ROBO1: variants seen among roughly 807,000 people sequenced by gnomAD.
ROBO1 encodes the protein roundabout guidance receptor 1.
In ROBO1, 149 loss-of-function variants were observed where a neutral mutation model predicts 195.9. That is an observed-to-expected ratio of 0.76 (90% CI 0.67 to 0.87). The LOEUF (loss-of-function observed/expected upper bound fraction) is 0.87. Among genes scored for constraint, ROBO1 ranks in the 40% least tolerant of loss-of-function variants. The pLI is 0.00. For synonymous variants in ROBO1, 816 were observed against 733.2 expected (o/e 1.11, Z -1.82); for missense variants, 1,933 against 2,068.3 (o/e 0.93, Z 1.27).
chr3:78,929,908 A>G (rs184304009), intron 4 of ROBO1, among the ~76,000 whole-genome samples: 252 of 152,296 alleles, frequency 1.7e-3, no homozygotes, highest in Non-Finnish European at 2.9e-3. Context: ...CGGAAGGGTC[A>G]CTACACTTAG....
chr3:79,700,090 G>A lies in ROBO1; in HGVS notation c.-51+67662C>T, dbSNP rs149966410. On this transcript the variant is annotated intron_variant, in intron 1 of 30. Coordinates refer to ENST00000464233, the MANE Select transcript of ROBO1 (RefSeq NM_002941.4). ...ACATAAGTGAAAACATGCGGTATTT[G>A]ATTTCCTGTTCCTATGTTAATTTGC... Among the ~76,000 whole-genome samples the A allele has an allele frequency of 6.4e-4, 97 of 151,804 alleles. 1 individual carries two copies. The highest frequency in any genetic ancestry group is 3.0e-3 in the Admixed American group (46 of 15,172).
At chr3:78,749,012 A>C (rs1576080603) in intron 4 of ROBO1, among the ~76,000 whole-genome samples, 1 of 152,172 alleles carries the variant, frequency 6.6e-6, no homozygotes, top group East Asian at 1.9e-4. Flanking sequence ...CAGAGTATAA[A>C]GACTTTCACT....
At chr3:78,896,286 C>A (rs1457611546) in intron 4 of ROBO1, among the ~76,000 whole-genome samples, 1 of 152,168 alleles carries the variant, frequency 6.6e-6, no homozygotes, top group Non-Finnish European at 1.5e-5. Flanking sequence ...CAACACTCAA[C>A]AAGCTAAGCC....
At chr3:79,145,705 C>G (rs1285896920) in intron 2 of ROBO1, among the ~76,000 whole-genome samples, 1 of 151,930 alleles carries the variant, frequency 6.6e-6, no homozygotes, top group Non-Finnish European at 1.5e-5. Context: ...AGTGGATTGT[C>G]CTGAATTTAA....
chr3:79,289,642 T>C (rs1370156034), intron 2 of ROBO1, among the ~76,000 whole-genome samples: 1 of 152,226 alleles, frequency 6.6e-6, no homozygotes, highest in Non-Finnish European at 1.5e-5. Context: ...GCCTGATTTA[T>C]CTTTTACCAT....
chr3:79,251,548 T>G (rs2082729758), intron 2 of ROBO1, among the ~76,000 whole-genome samples: 1 of 151,970 alleles, frequency 6.6e-6, no homozygotes, highest in African/African-American at 2.4e-5. Context: ...GTCAGGAGAT[T>G]CAGACCATCC....
chr3:79,122,915 C>T (rs2080146820), intron 3 of ROBO1, among the ~76,000 whole-genome samples: 1 of 151,832 alleles, frequency 6.6e-6, no homozygotes, highest in South Asian at 2.1e-4. Context: ...CATGTTACCT[C>T]AATGAAATGA....
At chr3:79,719,518 T>G (rs1439674321) in intron 1 of ROBO1, among the ~76,000 whole-genome samples, 3 of 152,210 alleles carry the variant, frequency 2.0e-5, no homozygotes, top group Admixed American at 6.5e-5. Context: ...GAACGTCTTC[T>G]TATAATGCTA....
At chr3:79,319,791 A>C (rs2033895860) in intron 2 of ROBO1, among the ~76,000 whole-genome samples, 1 of 152,288 alleles carries the variant, frequency 6.6e-6, no homozygotes, top group African/African-American at 2.4e-5. Flanking sequence ...AAAAATGCCT[A>C]CCATAACATA....
intron 2 of ROBO1, among the ~76,000 whole-genome samples, chr3:79,394,072 T>C (rs2037050184): frequency 6.6e-6 from 1 of 151,804 alleles, no homozygotes; most frequent in African/African-American, 2.4e-5. Flanking sequence ...GAATATTTGA[T>C]GAAGCAAATC....
At chr3:78,759,644 T>A (rs1328996252) in intron 4 of ROBO1, among the ~76,000 whole-genome samples, 1 of 152,210 alleles carries the variant, frequency 6.6e-6, no homozygotes, top group African/African-American at 2.4e-5. Context: ...TCCATTTTAA[T>A]TCCCACCGAA....
intron 3 of ROBO1, among the ~76,000 whole-genome samples, chr3:79,026,177 T>C (rs933761429): frequency 2.0e-5 from 3 of 152,124 alleles, no homozygotes; most frequent in African/African-American, 4.8e-5. Context: ...GCAGTATTTA[T>C]ATGACATTAT....
intron 2 of ROBO1, among the ~76,000 whole-genome samples, chr3:79,480,805 C>T (rs1417731964): frequency 6.6e-6 from 1 of 152,044 alleles, no homozygotes; most frequent in Non-Finnish European, 1.5e-5. Flanking sequence ...AACCATTTAC[C>T]TTCATGGGAC....
chr3:79,635,163 C>G (rs1945461195), intron 1 of ROBO1, among the ~76,000 whole-genome samples: 1 of 152,190 alleles, frequency 6.6e-6, no homozygotes, highest in South Asian at 2.1e-4. Flanking sequence ...CTACATTTAA[C>G]TGACCTATGT....
At chr3:79,166,173 C>T (rs528561347) in intron 2 of ROBO1, among the ~76,000 whole-genome samples, 33 of 152,166 alleles carry the variant, frequency 2.2e-4, no homozygotes, top group African/African-American at 6.7e-4. Context: ...TTATTAATGC[C>T]CCAAAGTAAT....
chr3:79,389,000 A>C (rs1222736789), intron 2 of ROBO1, among the ~76,000 whole-genome samples: 1 of 152,100 alleles, frequency 6.6e-6, no homozygotes, highest in Non-Finnish European at 1.5e-5. Flanking sequence ...GTCTAACAAT[A>C]GAATGATGTG....
rs533444617 is a variant in ROBO1 at position 79,369,359 on chromosome 3, G to T, written c.88+220465C>A. Among the ~76,000 whole-genome samples, 4 of 152,240 alleles carry T rather than the reference G, an allele frequency of 2.6e-5. No individual in the cohort carries two copies. The South Asian group carries it at 8.3e-4, about 32-fold the overall frequency. On this transcript the variant is annotated intron_variant, in intron 2 of 30. Transcript: ENST00000464233. ...TAAGTTCCATGTGTAAAATCCCTTT[G>T]GCTAATTTACACAAGCAACTTCCTT...
intron 2 of ROBO1, among the ~76,000 whole-genome samples, chr3:79,543,776 T>C (rs1942162277): frequency 6.6e-6 from 1 of 152,114 alleles, no homozygotes; most frequent in African/African-American, 2.4e-5. Context: ...TAGCTCTTAC[T>C]ATATTCATTG....
rs1418963785 is a variant in ROBO1 at position 79,094,957 on chromosome 3, C to T, written c.172+30499G>A. Among the ~76,000 whole-genome samples the T allele has an allele frequency of 3.4e-5, 5 of 148,666 alleles. No individual in the cohort carries two copies. In the South Asian group the frequency reaches 1.1e-3, roughly 33 times the overall value. On this transcript the variant is annotated intron_variant, in intron 3 of 30. Coordinates refer to ENST00000464233, the MANE Select transcript of ROBO1 (RefSeq NM_002941.4). Reference sequence around the variant, plus strand: ...TCTCTCCCTCCTCTCTCCCTCCTTCCTTTCTTCCTTCCTTCCACAATTATG... The same window carrying T: ...TCTCTCCCTCCTCTCTCCCTCCTTCTTTTCTTCCTTCCTTCCACAATTATG...
Sources: allele counts gnomAD v4.1 joint callset (sites outside exome capture counted in the v4.1 genomes callset), GRCh38; gene constraint gnomAD v4.1.1; transcripts MANE v1.5; gene names NCBI Gene and HGNC (gene_info 2026-07-23, HGNC 2026-07-21).